CSMD1: variants seen among roughly 807,000 people sequenced by gnomAD.
CSMD1 encodes the protein CUB and Sushi multiple domains 1, also known as CUB and sushi domain-containing protein 1.
In CSMD1, 213 loss-of-function variants were observed where a neutral mutation model predicts 417.5. That is an observed-to-expected ratio of 0.51 (90% CI 0.46 to 0.57). The LOEUF is 0.57. Among genes scored for constraint, CSMD1 ranks in the 20% least tolerant of loss-of-function variants. The pLI, the probability that CSMD1 is intolerant of heterozygous loss-of-function variation, is 0.00. For missense variants in CSMD1, 6,923 were observed against 4,529.7 expected (o/e 1.53, Z -15.17); for synonymous variants, 2,862 against 1,736.8 (o/e 1.65, Z -16.11).
At chr8:4,781,850 T>C (rs1212658029) in intron 1 of CSMD1, among the ~76,000 whole-genome samples, 1 of 152,150 alleles carries the variant, frequency 6.6e-6, no homozygotes, top group Non-Finnish European at 1.5e-5. Flanking sequence ...CATATTTTAG[T>C]TTACATATCG....
intron 23 of CSMD1, among the ~76,000 whole-genome samples, chr8:3,312,456 C>A (rs1418845128): frequency 6.6e-6 from 1 of 152,154 alleles, no homozygotes; most frequent in Non-Finnish European, 1.5e-5. Context: ...AAATACATTC[C>A]TCTTTCCTGT....
At chr8:3,656,659 G>A (rs1248681016) in intron 7 of CSMD1, among the ~76,000 whole-genome samples, 1 of 152,152 alleles carries the variant, frequency 6.6e-6, no homozygotes, top group African/African-American at 2.4e-5. Context: ...CAGGCGTGGT[G>A]GCTCACGCCT....
At chr8:4,627,603 G>A (rs1018795611) in intron 2 of CSMD1, among the ~76,000 whole-genome samples, 4 of 152,000 alleles carry the variant, frequency 2.6e-5, no homozygotes, top group Non-Finnish European at 4.4e-5. Context: ...GTCTACTACT[G>A]TGGAAAACTC....
chr8:4,597,125 G>C (rs532495370), intron 2 of CSMD1, among the ~76,000 whole-genome samples: 23 of 150,572 alleles, frequency 1.5e-4, no homozygotes, highest in African/African-American at 4.9e-4. Flanking sequence ...TTTTTTTCTA[G>C]CATTTGCAGC....
chr8:3,043,730 T>C (rs67282132), intron 50 of CSMD1: 40,377 of 152,010 alleles, frequency 0.27, 5,497 homozygotes, highest in East Asian at 0.45. Flanking sequence ...CCAGTTTATT[T>C]TCAAGTGCTC....
intron 20 of CSMD1, among the ~76,000 whole-genome samples, chr8:3,359,761 A>G (rs1034626139): frequency 6.6e-6 from 1 of 152,202 alleles, no homozygotes; most frequent in Admixed American, 6.5e-5. Flanking sequence ...AATGTTCCCA[A>G]CACAAAGAAA....
intron 3 of CSMD1, among the ~76,000 whole-genome samples, chr8:4,285,249 C>T (rs1475230129): frequency 4.6e-5 from 7 of 152,136 alleles, no homozygotes; most frequent in African/African-American, 1.7e-4. Context: ...ATACAGCAGG[C>T]CGACTGTAGC....
chr8:3,912,161 C>T (rs1057175001), intron 5 of CSMD1, among the ~76,000 whole-genome samples: 2 of 152,164 alleles, frequency 1.3e-5, no homozygotes, highest in African/African-American at 2.4e-5. Flanking sequence ...ATGGGAACTT[C>T]ACATTTCTCA....
intron 5 of CSMD1, among the ~76,000 whole-genome samples, chr8:3,943,022 G>C (rs1035893963): frequency 3.3e-5 from 5 of 151,912 alleles, no homozygotes; most frequent in African/African-American, 9.7e-5. Context: ...GTTTTATTTT[G>C]TTACTCAGGA....
At chr8:4,980,477 G>C (rs576639336) in intron 1 of CSMD1, among the ~76,000 whole-genome samples, 1 of 152,158 alleles carries the variant, frequency 6.6e-6, no homozygotes, top group Non-Finnish European at 1.5e-5. Flanking sequence ...TGGGCCTCCT[G>C]GGAGAAACAC....
At chr8:4,292,180 G>A (rs771811949) in intron 3 of CSMD1, among the ~76,000 whole-genome samples, 1 of 152,126 alleles carries the variant, frequency 6.6e-6, no homozygotes, top group Non-Finnish European at 1.5e-5. Context: ...GATTTCAGAA[G>A]GGATGGACTT....
chr8:4,307,601 C>G (rs539968971), intron 3 of CSMD1, among the ~76,000 whole-genome samples: 1 of 152,172 alleles, frequency 6.6e-6, no homozygotes, highest in Non-Finnish European at 1.5e-5. Flanking sequence ...TCTGTACCCA[C>G]CCAACTTGTG....
chr8:2,996,093 C>G (rs1249298639), intron 54 of CSMD1, among the ~76,000 whole-genome samples: 2 of 151,926 alleles, frequency 1.3e-5, no homozygotes, highest in Admixed American at 6.6e-5. Flanking sequence ...TAGTGCCTGC[C>G]TGGGAATCTA....
intron 1 of CSMD1, among the ~76,000 whole-genome samples, chr8:4,699,406 T>C (rs1484150251): frequency 1.3e-5 from 2 of 152,194 alleles, no homozygotes; most frequent in Non-Finnish European, 1.5e-5. Context: ...CACTCTATCA[T>C]CTTTTAATGC....
At chr8:4,764,783 G>T in intron 1 of CSMD1, among the ~76,000 whole-genome samples, 1 of 145,812 alleles carries the variant, frequency 6.9e-6, no homozygotes. Context: ...TGCGGCAGGA[G>T]AATGGTGTGA....
At chr8:3,778,853 T>C (rs1799029430) in intron 5 of CSMD1, among the ~76,000 whole-genome samples, 1 of 152,160 alleles carries the variant, frequency 6.6e-6, no homozygotes. Context: ...GAATACTCAG[T>C]TGAGAAAACA....
At chr8:4,261,686 A>G (rs991271263) in intron 3 of CSMD1, among the ~76,000 whole-genome samples, 6 of 152,180 alleles carry the variant, frequency 3.9e-5, no homozygotes, top group African/African-American at 1.4e-4. Flanking sequence ...CTGGGACTAC[A>G]GGCATGAGTC....
intron 3 of CSMD1, among the ~76,000 whole-genome samples, chr8:4,082,646 G>A (rs974595341): frequency 2.0e-5 from 3 of 151,506 alleles, no homozygotes; most frequent in African/African-American, 7.3e-5. Flanking sequence ...TAACTTTTAG[G>A]GTACATGTGC....
chr8:3,062,230 T>A (rs1006169989), intron 49 of CSMD1, among the ~76,000 whole-genome samples: 1 of 152,156 alleles, frequency 6.6e-6, no homozygotes, highest in Admixed American at 6.5e-5. Context: ...AGAAACATCT[T>A]ATTTGACATG....
Sources: allele counts gnomAD v4.1 joint callset (sites outside exome capture counted in the v4.1 genomes callset), GRCh38; gene constraint gnomAD v4.1.1; transcripts MANE v1.5; gene names NCBI Gene and HGNC (gene_info 2026-07-23, HGNC 2026-07-21).